SUFU: variants seen among roughly 807,000 people sequenced by gnomAD.
SUFU encodes suppressor of fused homolog.
A neutral mutation model predicts 58.9 loss-of-function variants in SUFU; 7 were observed. That is an observed-to-expected ratio of 0.12 (90% CI 0.07 to 0.22). SUFU has a LOEUF of 0.22. Among genes scored for constraint, SUFU ranks in the 10% least tolerant of loss-of-function variants. The pLI is 1.00. For synonymous variants in SUFU, 232 were observed against 254.8 expected (o/e 0.91, Z 0.85); for missense variants, 451 against 641.3 (o/e 0.70, Z 3.20).
In SUFU at chr10:102,631,216, C is replaced by T. The variant is rs538753835; in HGVS notation, c.*1061C>T. On this transcript the variant is annotated 3_prime_UTR_variant, in exon 12 of 12. Coordinates refer to ENST00000369902, the MANE Select transcript of SUFU (RefSeq NM_016169.4). ...GCTGCCTTACTAAAATTGAAAAATC[C>T]ACCTCTTAACATCTCTTTCACTTTG... The T allele has an allele frequency of 8.6e-6, 2 of 233,422 alleles. No individual in the cohort carries two copies. Among genetic ancestry groups the T allele is most frequent in the African/African-American group, 2.2e-5 (1 of 45,414 alleles). The allele number at this position is 233,422 out of a possible 1,614,324, so 14.5% of individuals were successfully genotyped here.
chr10:102,535,130 G>T (rs887245076), intron 2 of SUFU, among the ~76,000 whole-genome samples: 20 of 152,178 alleles, frequency 1.3e-4, no homozygotes, highest in African/African-American at 4.3e-4. Context: ...GATAAAGGAT[G>T]GGTCTGCCCA....
intron 2 of SUFU, among the ~76,000 whole-genome samples, chr10:102,539,410 T>C (rs967188408): frequency 5.3e-5 from 8 of 149,820 alleles, no homozygotes; most frequent in African/African-American, 1.9e-4. Flanking sequence ...GTCTAATTAC[T>C]GTTGATGATG....
rs747175991 is a variant in SUFU, at chr10:102,617,411, C to T, written c.1279C>T (p.His427Tyr). ...CACTGAGGAGCATCCTTACGCGGCT[C>T]ATGGACCCTGGTTACAAGTGAGAAG... ...FATEEHPYAA[H>Y]GPWLQILLTE... The change falls in exon 10 of 12, where the codon CAT (histidine) becomes TAT (tyrosine). Residue 427 changes from histidine to tyrosine, a missense_variant. Transcript: ENST00000369902. This position sits in a 1 kb window ranked among gnomAD's most constrained non-coding sequence, Gnocchi z 4.4. The T allele has an allele frequency of 6.2e-7, 1 of 1,614,268 alleles. No individual in the cohort carries two copies. Among genetic ancestry groups the T allele is most frequent in the Non-Finnish European group, 8.5e-7 (1 of 1,180,046 alleles).
rs951419551 is a variant in SUFU at position 102,625,477 on chromosome 10, T to G, written c.1297-1698T>G. On this transcript the variant is annotated intron_variant, in intron 10 of 11. Coordinates refer to ENST00000369902, the MANE Select transcript of SUFU (RefSeq NM_016169.4). This position sits in a 1 kb window ranked among gnomAD's most constrained non-coding sequence, Gnocchi z 4.7. ...CTCCTTGCCAGCCAAAAGAGGGTGC[T>G]TGTCCTGGTGGGAAATGAGCTGCCT... 1.3e-5 allele frequency among the ~76,000 whole-genome samples: 2 copies of G among 152,114 alleles called. No individual in the cohort carries two copies. The highest frequency in any genetic ancestry group is 4.8e-5 in the African/African-American group (2 of 41,430).
Position 102,554,426 on chromosome 10 carries a change from A to G in SUFU, c.454+4320A>G, listed in dbSNP as rs560095561. 2.0e-3 allele frequency among the ~76,000 whole-genome samples: 303 copies of G among 152,322 alleles called. 2 individuals carry two copies. Among genetic ancestry groups the G allele is most frequent in the African/African-American group, 6.8e-3 (282 of 41,580 alleles). On this transcript the variant is annotated intron_variant, in intron 3 of 11. Transcript: ENST00000369902. The stretch of plus-strand genomic sequence containing the variant: ...CTCAAAACAAAACAAAGCAAAAAAA[A>G]GTACACATAACTGTACAGCTTGATG...
At chr10:102,529,025 T>C (rs2062645036) in intron 2 of SUFU, among the ~76,000 whole-genome samples, 1 of 151,618 alleles carries the variant, frequency 6.6e-6, no homozygotes, top group Non-Finnish European at 1.5e-5. Flanking sequence ...ATGGGTTTTT[T>C]TTCTATTATT....
chr10:102,596,551 A>T (rs965934720), intron 6 of SUFU, among the ~76,000 whole-genome samples: 2 of 152,184 alleles, frequency 1.3e-5, no homozygotes, highest in South Asian at 4.1e-4. Flanking sequence ...CTCCATCCAG[A>T]GTCCTTTGCT....
At chr10:102,586,672 C>CA (rs966199059) in intron 3 of SUFU, among the ~76,000 whole-genome samples, 20 of 150,388 alleles carry the variant, frequency 1.3e-4, no homozygotes, top group Admixed American at 7.3e-4. Flanking sequence ...GACTCCGTCT[C>CA]AAAAAAAAAG....
At chr10:102,569,114 T>A (rs538656647) in intron 3 of SUFU, among the ~76,000 whole-genome samples, 84 of 151,644 alleles carry the variant, frequency 5.5e-4, no homozygotes, top group African/African-American at 2.0e-3. Context: ...TGCCCATATA[T>A]GAACATCTTG....
intron 3 of SUFU, among the ~76,000 whole-genome samples, chr10:102,587,490 A>G (rs10883744): frequency 0.45 from 68,993 of 151,996 alleles, 16,063 homozygotes; most frequent in East Asian, 0.68. Context: ...TTTACAGCAC[A>G]AACAGTTTGT....
chr10:102,593,799 C>T, intron 5 of SUFU, 78 bp downstream of exon 5: 1 of 1,484,094 alleles, frequency 6.7e-7, no homozygotes, highest in Non-Finnish European at 9.4e-7. Flanking sequence ...CCATGTGGGG[C>T]TCCCTCTTGC....
At chr10:102,593,408 C>T (rs2063424353) in intron 4 of SUFU, among the ~76,000 whole-genome samples, 1 of 152,188 alleles carries the variant, frequency 6.6e-6, no homozygotes, top group African/African-American at 2.4e-5. Context: ...CCAGACACAG[C>T]AAGGGCAAGG....
intron 2 of SUFU, among the ~76,000 whole-genome samples, chr10:102,526,865 T>G (rs937456455): frequency 6.6e-6 from 1 of 151,964 alleles, no homozygotes; most frequent in Non-Finnish European, 1.5e-5. Flanking sequence ...CTCGAAGTGT[T>G]TAAGGAAAAG....
intron 6 of SUFU, among the ~76,000 whole-genome samples, chr10:102,596,378 G>C (rs904480914): frequency 1.3e-5 from 2 of 152,158 alleles, no homozygotes; most frequent in African/African-American, 4.8e-5. Flanking sequence ...GAAAATCCAG[G>C]GATGTTTTGA....
chr10:102,523,639 A>G (rs2062575412), intron 2 of SUFU, among the ~76,000 whole-genome samples: 1 of 152,232 alleles, frequency 6.6e-6, no homozygotes, highest in African/African-American at 2.4e-5. Flanking sequence ...GGTTGCAGAC[A>G]TGCTGAATTC....
intron 9 of SUFU, among the ~76,000 whole-genome samples, chr10:102,616,456 C>T (rs2063687899): frequency 1.3e-5 from 2 of 152,244 alleles, no homozygotes; most frequent in Admixed American, 6.5e-5. Context: ...AGACAGAGAG[C>T]AAATGGCCAG....
intron 2 of SUFU, among the ~76,000 whole-genome samples, chr10:102,541,053 TC>T (rs1309679263): frequency 5.3e-5 from 8 of 151,974 alleles, no homozygotes; most frequent in Non-Finnish European, 7.4e-5. Context: ...TTATATCTTT[TC>T]TTCCCCCTTT....
chr10:102,523,267 A>G (rs759631198), intron 2 of SUFU, among the ~76,000 whole-genome samples: 2 of 152,178 alleles, frequency 1.3e-5, no homozygotes, highest in Non-Finnish European at 2.9e-5. Context: ...AGGAAGGCCA[A>G]TCAAAGAGAT....
At chr10:102,545,293 ATTTTT>A (rs1162195255) in intron 2 of SUFU, among the ~76,000 whole-genome samples, 1 of 106,266 alleles carries the variant, frequency 9.4e-6, no homozygotes, top group Non-Finnish European at 1.9e-5. Flanking sequence ...TAATTTTTGT[ATTTTT>A]TTTTTTTTTT....
Sources: allele counts gnomAD v4.1 joint callset (sites outside exome capture counted in the v4.1 genomes callset), GRCh38; gene constraint gnomAD v4.1.1; non-coding constraint Gnocchi (gnomAD v3.1); transcripts MANE v1.5; gene names NCBI Gene and HGNC (gene_info 2026-07-23, HGNC 2026-07-21).